CATSPERB: variants seen among roughly 807,000 people sequenced by gnomAD.
CATSPERB encodes the protein cation channel sperm-associated auxiliary subunit beta.
A neutral mutation model predicts 128.3 loss-of-function variants in CATSPERB; 93 were observed. The ratio of observed to expected loss-of-function variants is 0.72; its 90% CI spans 0.61 to 0.86. The LOEUF (loss-of-function observed/expected upper bound fraction) is 0.86, where lower values mean the gene tolerates loss of function less well. CATSPERB is among the 40% of genes least tolerant of loss of function. CATSPERB has a pLI of 0.00. For missense variants in CATSPERB, 1,153 were observed against 1,329.5 expected, an observed-to-expected ratio of 0.87 and a Z score of 2.06; for synonymous variants, 381 against 448.8, an observed-to-expected ratio of 0.85 and a Z score of 1.91.
chr14:91,684,595 G>A (rs1232379747), intron 10 of CATSPERB, among the ~76,000 whole-genome samples: 1 of 150,316 alleles, frequency 6.7e-6, no homozygotes, highest in East Asian at 1.9e-4. Context: ...GAACACATGA[G>A]GAGACACTTC....
chr14:91,661,973 C>A (rs1894895521), intron 14 of CATSPERB, among the ~76,000 whole-genome samples: 1 of 152,080 alleles, frequency 6.6e-6, no homozygotes, highest in Non-Finnish European at 1.5e-5. Flanking sequence ...AATTTTTACT[C>A]ATGATCAGAA....
chr14:91,667,399 TAGAA>T (rs1566724529), intron 14 of CATSPERB, among the ~76,000 whole-genome samples: 1 of 151,790 alleles, frequency 6.6e-6, no homozygotes, highest in Non-Finnish European at 1.5e-5. Flanking sequence ...GAAAGTCAGA[TAGAA>T]AGAAAGAGAA....
chr14:91,618,876 G>A (rs1213603895), intron 19 of CATSPERB, among the ~76,000 whole-genome samples: 1 of 152,198 alleles, frequency 6.6e-6, no homozygotes, highest in African/African-American at 2.4e-5. Flanking sequence ...AATACAGATT[G>A]AGCAGGTCTG....
At chr14:91,653,621 A>G (rs1342465196) in intron 15 of CATSPERB, among the ~76,000 whole-genome samples, 1 of 152,214 alleles carries the variant, frequency 6.6e-6, no homozygotes, top group Non-Finnish European at 1.5e-5. Context: ...GCAAAAGCGG[A>G]AACCCCTTAT....
chr14:91,617,069 G>A (rs1212205043), intron 20 of CATSPERB, among the ~76,000 whole-genome samples: 1 of 152,024 alleles, frequency 6.6e-6, no homozygotes. Flanking sequence ...TTAAGCAGTT[G>A]AAGGAAGAAA....
chr14:91,659,224 T>C (rs67245557), intron 15 of CATSPERB, among the ~76,000 whole-genome samples: 43,903 of 152,074 alleles, frequency 0.29, 6,466 homozygotes, highest in Middle Eastern at 0.34. Context: ...GATATGCTAA[T>C]TACCCTGATC....
intron 22 of CATSPERB, among the ~76,000 whole-genome samples, chr14:91,601,333 T>C (rs1438018486): frequency 3.9e-5 from 6 of 152,218 alleles, no homozygotes; most frequent in Non-Finnish European, 7.3e-5. Context: ...GAATACAAGA[T>C]AGGAAAATCA....
intron 22 of CATSPERB, among the ~76,000 whole-genome samples, chr14:91,598,553 G>A (rs544284926): frequency 2.0e-5 from 3 of 152,232 alleles, no homozygotes; most frequent in East Asian, 1.9e-4. Flanking sequence ...CATTATAACT[G>A]AGACTGTCAG....
At chr14:91,676,526 T>C (rs1895195318) in intron 11 of CATSPERB, among the ~76,000 whole-genome samples, 1 of 152,014 alleles carries the variant, frequency 6.6e-6, no homozygotes, top group Non-Finnish European at 1.5e-5. Context: ...CTATCTTCTT[T>C]TTTTTTTTCT....
intron 22 of CATSPERB, among the ~76,000 whole-genome samples, chr14:91,596,288 C>T (rs539193744): frequency 1.3e-5 from 2 of 152,196 alleles, no homozygotes; most frequent in Non-Finnish European, 2.9e-5. Context: ...ACTACAAGCT[C>T]CGCCTCCCGG....
At chr14:91,612,281 A>C (rs542357906) in intron 20 of CATSPERB, among the ~76,000 whole-genome samples, 1 of 152,170 alleles carries the variant, frequency 6.6e-6, no homozygotes, top group South Asian at 2.1e-4. Flanking sequence ...TCTATTATTA[A>C]CTATATTCAC....
chr14:91,674,729 C>A (rs1895160202), intron 11 of CATSPERB, among the ~76,000 whole-genome samples: 2 of 152,132 alleles, frequency 1.3e-5, no homozygotes, highest in African/African-American at 2.4e-5. Flanking sequence ...AATTTTGAAA[C>A]AAATCAGACA....
Position 91,722,075 on chromosome 14 carries a change from A to G in CATSPERB, c.309+974T>C, listed in dbSNP as rs116304013. 5.2e-3 allele frequency among the ~76,000 whole-genome samples: 787 copies of G among 152,294 alleles called. 7 individuals carry two copies. Among genetic ancestry groups the G allele is most frequent in the African/African-American group, 0.018 (735 of 41,558 alleles). ...AGAAAGAAAAGAAATTGGAATTCTA[A>G]CAAGCTGCTAGTGAGAATGTAAAAT... On this transcript the variant is annotated intron_variant, in intron 4 of 26. Transcript: ENST00000256343.
intron 5 of CATSPERB, among the ~76,000 whole-genome samples, chr14:91,717,944 G>T (rs1298688417): frequency 6.6e-6 from 1 of 152,184 alleles, no homozygotes; most frequent in East Asian, 1.9e-4. Context: ...CAGGGGAGTT[G>T]TATCAGGAGA....
intron 15 of CATSPERB, among the ~76,000 whole-genome samples, chr14:91,644,143 A>T (rs1293717323): frequency 7.5e-6 from 1 of 133,092 alleles, no homozygotes; most frequent in African/African-American, 2.8e-5. Context: ...CAGCACACTG[A>T]TGGGTCTTGA....
chr14:91,693,509 C>G (rs2139846378), intron 7 of CATSPERB, 30 bp from the exon 8 acceptor site: 1 of 1,573,950 alleles, frequency 6.4e-7, no homozygotes, highest in Non-Finnish European at 8.7e-7. Context: ...AAATTAAAGC[C>G]AGGCAACTTT....
chr14:91,712,741 C>A (rs750621597), intron 5 of CATSPERB, among the ~76,000 whole-genome samples: 6 of 152,170 alleles, frequency 3.9e-5, no homozygotes, highest in African/African-American at 1.2e-4. Context: ...AGGAACAAGG[C>A]GGGAACCAAC....
intron 10 of CATSPERB, among the ~76,000 whole-genome samples, chr14:91,685,384 A>C (rs1178964370): frequency 6.6e-6 from 1 of 152,224 alleles, no homozygotes. Context: ...CAACTTGTTC[A>C]AAATTTTATG....
rs1360134804 is a variant in CATSPERB at position 91,624,964 on chromosome 14, T to C, written c.1786A>G (p.Thr596Ala). The change falls in exon 18 of 27, where the codon ACT (threonine) becomes GCT (alanine). Residue 596 changes from threonine (T) to alanine (A), a missense_variant. Coordinates refer to ENST00000256343, the MANE Select transcript of CATSPERB (RefSeq NM_024764.4). ...AYIRKVLQHT[T>A]PKGFLSSVIA... ...ACTGAGGACAAAAATCCTTTAGGAG[T>C]CGTATGTTGCAATACCTTTCTTATG... The C allele has an allele frequency of 1.2e-6, 2 of 1,607,584 alleles. No individual in the cohort carries two copies. Among genetic ancestry groups the C allele is most frequent in the Non-Finnish European group, 1.7e-6 (2 of 1,178,288 alleles).
Sources: allele counts gnomAD v4.1 joint callset (sites outside exome capture counted in the v4.1 genomes callset), GRCh38; gene constraint gnomAD v4.1.1; transcripts MANE v1.5; gene names NCBI Gene and HGNC (gene_info 2026-07-23, HGNC 2026-07-21).